Variants in MYO1E observed in about 807,000 individuals in gnomAD.
MYO1E encodes the protein myosin IE, also known as unconventional myosin-Ie.
MYO1E carries 68 observed loss-of-function variants against 151.1 expected under a neutral mutation model. The observed-to-expected ratio is 0.45, with a 90% CI of 0.37 to 0.55. The LOEUF is 0.55. Among genes scored for constraint, MYO1E ranks in the 20% least tolerant of loss-of-function variants. MYO1E has a pLI of 0.00. For synonymous variants in MYO1E, 601 were observed against 501.7 expected (o/e 1.20, Z -2.64); for missense variants, 1,363 against 1,389.3 (o/e 0.98, Z 0.30).
At position 59,212,813 on chromosome 15, in the gene MYO1E, C is replaced by T. The variant is rs557303671; in HGVS notation, c.1275+1415G>A. 1.3e-4 allele frequency: 20 copies of T among 152,120 alleles called. No individual in the cohort carries two copies. In the South Asian group the frequency reaches 2.5e-3, roughly 19 times the overall value. The allele number at this position is 152,120 out of a possible 1,614,324, so 9.4% of individuals were successfully genotyped here. A position where few individuals can be genotyped will look rare whatever the true frequency, so the allele number is the denominator to read the frequency against. ...TAAAATGGTGTCTTCATGAAAGAGA[C>T]GGAGATTTGGATATAGACACAGAGG... On this transcript the variant is annotated intron_variant, in intron 12 of 27. Coordinates refer to ENST00000288235, the MANE Select transcript of MYO1E (RefSeq NM_004998.4).
intron 1 of MYO1E, among the ~76,000 whole-genome samples, chr15:59,319,669 C>T (rs772206887): frequency 1.8e-4 from 27 of 146,836 alleles, no homozygotes; most frequent in Non-Finnish European, 1.8e-4. Flanking sequence ...TTTGAGAGGC[C>T]GAGGCATGCG....
intron 1 of MYO1E, among the ~76,000 whole-genome samples, chr15:59,278,877 T>G (rs1457059504): frequency 6.6e-6 from 1 of 152,148 alleles, no homozygotes; most frequent in African/African-American, 2.4e-5. Flanking sequence ...GACACAAGTA[T>G]TATAATTTCT....
chr15:59,312,641 C>T (rs549208594), intron 1 of MYO1E, among the ~76,000 whole-genome samples: 6 of 152,074 alleles, frequency 3.9e-5, no homozygotes, highest in Non-Finnish European at 8.8e-5. Flanking sequence ...TGGGATTAGG[C>T]GAGAACACCA....
intron 26 of MYO1E, among the ~76,000 whole-genome samples, chr15:59,147,967 C>T (rs2079452042): frequency 6.6e-6 from 1 of 152,144 alleles, no homozygotes; most frequent in Admixed American, 6.5e-5. Context: ...GCCACTGGGC[C>T]AGGAAACATC....
intron 1 of MYO1E, among the ~76,000 whole-genome samples, chr15:59,322,878 C>G (rs936399609): frequency 6.6e-6 from 1 of 151,966 alleles, no homozygotes; most frequent in African/African-American, 2.4e-5. Flanking sequence ...ATGGTGCTTT[C>G]TGGCCGGGCA....
At chr15:59,217,519 CT>C (rs1164320277) in intron 10 of MYO1E, among the ~76,000 whole-genome samples, 7 of 53,148 alleles carry the variant, frequency 1.3e-4, no homozygotes, top group Non-Finnish European at 2.0e-4. Flanking sequence ...GTCGTTTTAC[CT>C]TTTTTTTTTT....
chr15:59,180,863 T>C (rs1195851180), intron 18 of MYO1E, among the ~76,000 whole-genome samples: 1 of 152,252 alleles, frequency 6.6e-6, no homozygotes, highest in African/African-American at 2.4e-5. Context: ...ATGGCAATAA[T>C]AGCTTACATT....
chr15:59,313,612 T>G (rs2080566678), intron 1 of MYO1E, among the ~76,000 whole-genome samples: 1 of 151,952 alleles, frequency 6.6e-6, no homozygotes, highest in African/African-American at 2.4e-5. Flanking sequence ...TATTTCAAGC[T>G]CTTGTTTCTG....
chr15:59,145,141 C>A (rs2079434183), intron 26 of MYO1E, among the ~76,000 whole-genome samples: 1 of 152,160 alleles, frequency 6.6e-6, no homozygotes, highest in Non-Finnish European at 1.5e-5. Context: ...CCGCATCCGG[C>A]CAGGAATGAC....
At chr15:59,155,666 G>C (rs2079505760) in intron 25 of MYO1E, among the ~76,000 whole-genome samples, 1 of 152,140 alleles carries the variant, frequency 6.6e-6, no homozygotes, top group African/African-American at 2.4e-5. Flanking sequence ...GCAGTAATAT[G>C]ATACTACAGT....
chr15:59,281,448 G>T (rs2080352829), intron 1 of MYO1E, among the ~76,000 whole-genome samples: 1 of 151,734 alleles, frequency 6.6e-6, no homozygotes, highest in Non-Finnish European at 1.5e-5. Flanking sequence ...GCTTATTTTT[G>T]TATTTTTAGT....
rs142296072 is a variant in MYO1E at position 59,271,028 on chromosome 15, G to A, written c.147+1278C>T. On this transcript the variant is annotated intron_variant, in intron 2 of 27. Transcript: ENST00000288235. ...ACAGAGGTTCAGAGGTTTAACTACA[G>A]ATATTGGTAAAATTCCCTTATAGTA... is the stretch of plus-strand genomic sequence containing the variant. 2.0e-3 allele frequency: 303 copies of A among 152,294 alleles called. 3 individuals carry two copies. The highest frequency in any genetic ancestry group is 7.0e-3 in the African/African-American group (292 of 41,566). The allele number at this position is 152,294 out of a possible 1,614,324, so 9.4% of individuals were successfully genotyped here. A position where few individuals can be genotyped will look rare whatever the true frequency, so the allele number is the denominator to read the frequency against.
At chr15:59,214,928 G>A (rs1422618152) in intron 10 of MYO1E, among the ~76,000 whole-genome samples, 3 of 152,174 alleles carry the variant, frequency 2.0e-5, no homozygotes, top group East Asian at 1.9e-4. Flanking sequence ...TCAGAAAAGC[G>A]AGTACAGTAG....
At chr15:59,163,828 C>T (rs2079550610) in intron 22 of MYO1E, among the ~76,000 whole-genome samples, 2 of 152,206 alleles carry the variant, frequency 1.3e-5, no homozygotes, top group African/African-American at 4.8e-5. Flanking sequence ...TTCTGGCAAA[C>T]AGTGCTCTGT....
intron 1 of MYO1E, among the ~76,000 whole-genome samples, chr15:59,279,427 G>T (rs563660834): frequency 1.3e-5 from 2 of 152,304 alleles, no homozygotes. Context: ...AACTGGGACT[G>T]TCTCAGGCTG....
At chr15:59,216,592 GTGTATCTATC>G (rs1221562374) in intron 10 of MYO1E, among the ~76,000 whole-genome samples, 1,793 of 103,070 alleles carry the variant, frequency 0.017, 39 homozygotes, top group Admixed American at 0.049. Context: ...GTGTGTGTGT[GTGTATCTATC>G]TATCTATCTA....
At chr15:59,356,571 AAACATTTT>A (rs1310786127) in intron 1 of MYO1E, among the ~76,000 whole-genome samples, 4 of 152,202 alleles carry the variant, frequency 2.6e-5, no homozygotes, top group African/African-American at 9.7e-5. Flanking sequence ...AAAGAAATAC[AAACATTTT>A]TCCCATTAAG....
At chr15:59,182,770 G>C (rs1237625281) in intron 18 of MYO1E, among the ~76,000 whole-genome samples, 2 of 152,166 alleles carry the variant, frequency 1.3e-5, no homozygotes, top group Non-Finnish European at 2.9e-5. Flanking sequence ...ACTCGAGACA[G>C]ATCCGGATAA....
At chr15:59,217,744 T>G (rs1596370786) in intron 10 of MYO1E, 147 bp downstream of exon 10, 1 of 896,190 alleles carries the variant, frequency 1.1e-6, no homozygotes. Context: ...CAGAGGCTGG[T>G]CTCAAACTCC....
Sources: allele counts gnomAD v4.1 joint callset (sites outside exome capture counted in the v4.1 genomes callset), GRCh38; gene constraint gnomAD v4.1.1; transcripts MANE v1.5; gene names NCBI Gene and HGNC (gene_info 2026-07-23, HGNC 2026-07-21).